Variants in ARHGAP24 observed in about 807,000 individuals in gnomAD.
ARHGAP24 encodes rho GTPase-activating protein 24.
Under a neutral mutation model 76.4 loss-of-function variants are expected in ARHGAP24, and 50 were observed. That is an observed-to-expected ratio of 0.65 (90% confidence interval 0.52 to 0.83). ARHGAP24 has a LOEUF of 0.83. Among genes scored for constraint, ARHGAP24 ranks in the 40% least tolerant of loss-of-function variants. ARHGAP24 has a pLI of 0.00. For missense variants in ARHGAP24, 930 were observed against 914.2 expected, an observed-to-expected ratio of 1.02 and a Z score of -0.22; for synonymous variants, 345 against 323.3, an observed-to-expected ratio of 1.07 and a Z score of -0.72.
intron 3 of ARHGAP24, among the ~76,000 whole-genome samples, chr4:85,813,653 C>A (rs115545683): frequency 1.8e-4 from 28 of 151,460 alleles, no homozygotes; most frequent in African/African-American, 6.5e-4. Flanking sequence ...TATTTTCTTC[C>A]CCCCACTGCC....
intron 2 of ARHGAP24, among the ~76,000 whole-genome samples, chr4:85,642,031 G>GCAGCATT (rs1393165371): frequency 2.0e-4 from 31 of 152,246 alleles, no homozygotes; most frequent in African/African-American, 7.0e-4. Context: ...ATCTCTCTGT[G>GCAGCATT]CAGCATTCCT....
intron 5 of ARHGAP24, among the ~76,000 whole-genome samples, chr4:85,947,767 A>C (rs888700550): frequency 1.3e-5 from 2 of 152,236 alleles, no homozygotes; most frequent in African/African-American, 4.8e-5. Flanking sequence ...GTAACAGTAA[A>C]AACTGAACAC....
At chr4:85,947,217 A>G (rs1040884032) in intron 5 of ARHGAP24, among the ~76,000 whole-genome samples, 4 of 152,036 alleles carry the variant, frequency 2.6e-5, no homozygotes, top group African/African-American at 9.7e-5. Context: ...AGTTCCTTAT[A>G]GATTCTGGAT....
At chr4:85,499,876 T>G (rs1414970236) in intron 1 of ARHGAP24, among the ~76,000 whole-genome samples, 1 of 152,186 alleles carries the variant, frequency 6.6e-6, no homozygotes, top group African/African-American at 2.4e-5. Flanking sequence ...ATATTTAAGT[T>G]TAATAATCGG....
chr4:85,626,059 A>C (rs1720942427), intron 2 of ARHGAP24, among the ~76,000 whole-genome samples: 1 of 152,218 alleles, frequency 6.6e-6, no homozygotes, highest in African/African-American at 2.4e-5. Context: ...TGGAACATTT[A>C]GTCCATTTAC....
chr4:85,571,037 C>A, intron 2 of ARHGAP24: 1 of 227,682 alleles, frequency 4.4e-6, no homozygotes, highest in Non-Finnish European at 8.7e-6. Flanking sequence ...TATATCATAG[C>A]CAAAACATCT....
chr4:85,733,744 T>A (rs1280125983), intron 3 of ARHGAP24, among the ~76,000 whole-genome samples: 1 of 152,168 alleles, frequency 6.6e-6, no homozygotes. Context: ...TCAGTGCCCT[T>A]CTGTGTCCTA....
At chr4:85,756,968 T>G (rs1370783534) in intron 3 of ARHGAP24, among the ~76,000 whole-genome samples, 1 of 152,242 alleles carries the variant, frequency 6.6e-6, no homozygotes, top group Non-Finnish European at 1.5e-5. Flanking sequence ...ATCTTAACTG[T>G]GTTTCAAAAC....
At chr4:85,500,466 A>G (rs1723759272) in intron 1 of ARHGAP24, among the ~76,000 whole-genome samples, 1 of 152,256 alleles carries the variant, frequency 6.6e-6, no homozygotes, top group Non-Finnish European at 1.5e-5. Flanking sequence ...TACTGTCCTA[A>G]TAAGTACCAA....
At chr4:85,663,973 A>C (rs1214092129) in intron 2 of ARHGAP24, among the ~76,000 whole-genome samples, 9 of 151,768 alleles carry the variant, frequency 5.9e-5, no homozygotes, top group African/African-American at 2.2e-4. Flanking sequence ...TATTGGTCTA[A>C]AATTCTCTTT....
At chr4:85,625,145 T>G (rs1418958672) in intron 2 of ARHGAP24, among the ~76,000 whole-genome samples, 1 of 152,204 alleles carries the variant, frequency 6.6e-6, no homozygotes, top group East Asian at 1.9e-4. Flanking sequence ...GCTTTTCTAG[T>G]TCTTTTAATT....
intron 2 of ARHGAP24, among the ~76,000 whole-genome samples, chr4:85,674,077 A>T (rs1722895923): frequency 6.6e-6 from 1 of 152,018 alleles, no homozygotes; most frequent in African/African-American, 2.4e-5. Flanking sequence ...CTGGGACTAA[A>T]CCCCAGTGTA....
chr4:85,738,367 TTTATTATTATTATTATTA>T (rs58504018), intron 3 of ARHGAP24, among the ~76,000 whole-genome samples: 21,983 of 144,048 alleles, frequency 0.15, 2,308 homozygotes, highest in East Asian at 0.55. Flanking sequence ...CATTTGGGCT[TTTATTATTATTATTATTA>T]TTATTATTAT....
At chr4:85,706,924 T>A (rs1222558370) in intron 2 of ARHGAP24, among the ~76,000 whole-genome samples, 1 of 152,144 alleles carries the variant, frequency 6.6e-6, no homozygotes, top group Non-Finnish European at 1.5e-5. Context: ...AGTGGATTTG[T>A]TGTTGTTTTG....
chr4:85,739,017 C>T (rs72656267), intron 3 of ARHGAP24, among the ~76,000 whole-genome samples: 11,422 of 152,238 alleles, frequency 0.075, 496 homozygotes, highest in Middle Eastern at 0.1. Flanking sequence ...CCTGAGAACA[C>T]CATGGATTGC....
intron 3 of ARHGAP24, among the ~76,000 whole-genome samples, chr4:85,876,094 G>A (rs1030348309): frequency 1.3e-5 from 2 of 151,998 alleles, no homozygotes; most frequent in African/African-American, 4.8e-5. Context: ...TTTTATAAAA[G>A]CGATTATTTT....
chr4:85,677,931 T>C (rs1427540800), intron 2 of ARHGAP24, among the ~76,000 whole-genome samples: 1 of 151,902 alleles, frequency 6.6e-6, no homozygotes, highest in African/African-American at 2.4e-5. Context: ...TCCCAGTTAT[T>C]GGGAAAACTG....
intron 3 of ARHGAP24, among the ~76,000 whole-genome samples, chr4:85,911,917 T>C (rs1173134930): frequency 6.6e-6 from 1 of 152,220 alleles, no homozygotes; most frequent in Non-Finnish European, 1.5e-5. Context: ...AACTTCTATG[T>C]CTACAGTCAG....
At chr4:85,541,491 C>G (rs1725700982) in intron 1 of ARHGAP24, among the ~76,000 whole-genome samples, 1 of 152,088 alleles carries the variant, frequency 6.6e-6, no homozygotes, top group South Asian at 2.1e-4. Context: ...TGGGTAAAAT[C>G]CCAGATCCTT....
Sources: gnomAD v4.1 joint callset for allele counts (sites outside exome capture counted in the v4.1 genomes callset) on GRCh38, gnomAD v4.1.1 for gene constraint, MANE v1.5 for transcripts, NCBI Gene and HGNC (gene_info 2026-07-23, HGNC 2026-07-21) for gene names.